Variants in LRP8 observed in about 807,000 individuals in gnomAD.
LRP8 encodes low-density lipoprotein receptor-related protein 8.
In LRP8, 46 loss-of-function variants were observed where a neutral mutation model predicts 111.6. The observed-to-expected ratio is 0.41, with a 90% CI of 0.33 to 0.53. The LOEUF is 0.53. Ranked by LOEUF, LRP8 falls within the 20% of genes least tolerant of loss-of-function variation. The probability of loss-of-function intolerance (pLI) is 0.20; values close to 1 mark genes in which losing one functional copy is unlikely to be tolerated. For missense variants in LRP8, 959 were observed against 1,297.4 expected (o/e 0.74, Z 4.01); for synonymous variants, 464 against 511.2 (o/e 0.91, Z 1.24).
chr1:53,309,680 A>G (rs949933295), intron 2 of LRP8, among the ~76,000 whole-genome samples: 25 of 152,248 alleles, frequency 1.6e-4, no homozygotes, highest in Admixed American at 1.6e-3. Flanking sequence ...TGACTAAGGC[A>G]TTACTAAGCT....
In LRP8 at chr1:53,262,652, A is replaced by G. The variant is rs546684705; in HGVS notation, c.1656-88T>C. On this transcript the variant is annotated intron_variant, in intron 10 of 18. Transcript: ENST00000306052. This position sits in a 1 kb window ranked among gnomAD's most constrained non-coding sequence, Gnocchi z 4.8. ...ACAAGAGCTCAATAACCCATTGACT[A>G]GTTGTGGTTTATGTTTAGTAGGGAC... 3.0e-6 allele frequency: 3 copies of G among 1,006,864 alleles called. No individual in the cohort carries two copies. Among genetic ancestry groups the G allele is most frequent in the South Asian group, 2.6e-5 (2 of 77,244 alleles). 62.4% of individuals were successfully genotyped at this position (1,006,864 alleles called of 1,614,324 possible). A position where few individuals can be genotyped will look rare whatever the true frequency, so the allele number is the denominator to read the frequency against.
Position 53,279,003 on chromosome 1 carries a change from C to G in LRP8, c.496+1584G>C, listed in dbSNP as rs1193778484. ...CTCAATCTCCTGACCTCGTGATCCT[C>G]CTGCCTCGGCCTCCCAAAGTGCTGG... On this transcript the variant is annotated intron_variant, in intron 4 of 18. Transcript: ENST00000306052. This position sits in a 1 kb window ranked among gnomAD's most constrained non-coding sequence, Gnocchi z 4.4. Among the ~76,000 whole-genome samples, 1 of 151,460 alleles carries G rather than the reference C, an allele frequency of 6.6e-6. No individual in the cohort carries two copies. The highest frequency in any genetic ancestry group is 2.4e-5 in the African/African-American group (1 of 41,126).
rs1357144803 is a variant in LRP8 at position 53,271,018 on chromosome 1, G to T, written c.1252+10C>A. 15 of 1,613,908 alleles carry T rather than the reference G, an allele frequency of 9.3e-6. No homozygotes were observed. The highest frequency in any genetic ancestry group is 1.3e-5 in the Non-Finnish European group (15 of 1,180,034). Reference sequence around the variant, plus strand: ...TCAGAGCTGCCCCTCTGCCCTTGGGGTGTTCATACCAGCAGCCTTGCAGTT... The same window carrying T: ...TCAGAGCTGCCCCTCTGCCCTTGGGTTGTTCATACCAGCAGCCTTGCAGTT... On this transcript the variant is annotated intron_variant, in intron 8 of 18. Coordinates refer to ENST00000306052, the MANE Select transcript of LRP8 (RefSeq NM_004631.5).
chr1:53,272,260 G>A (rs1169152110), intron 6 of LRP8, among the ~76,000 whole-genome samples: 1 of 152,122 alleles, frequency 6.6e-6, no homozygotes, highest in African/African-American at 2.4e-5. Context: ...GTGAAGGGAT[G>A]CCCAGAGGTC....
intron 2 of LRP8, among the ~76,000 whole-genome samples, chr1:53,324,116 G>T (rs1215640411): frequency 6.6e-6 from 1 of 152,212 alleles, no homozygotes; most frequent in Non-Finnish European, 1.5e-5. Flanking sequence ...GCCAAAGAGG[G>T]TGGTCAGGGG....
chr1:53,311,862 T>C (rs541587429), intron 2 of LRP8, among the ~76,000 whole-genome samples: 2 of 152,158 alleles, frequency 1.3e-5, no homozygotes, highest in Non-Finnish European at 2.9e-5. Flanking sequence ...AGTGTCCCCA[T>C]CTGTACAATG....
chr1:53,320,721 A>T (rs145598916), intron 2 of LRP8, among the ~76,000 whole-genome samples: 80 of 152,310 alleles, frequency 5.3e-4, no homozygotes, highest in Admixed American at 8.5e-4. Context: ...TCCAGAGAAC[A>T]GGGTCCCTCC....
rs1646566999 is a variant in LRP8, at chr1:53,266,579, T to C, written c.1321A>G (p.Asn441Asp). The C allele has an allele frequency of 6.2e-7, 1 of 1,614,154 alleles. No homozygotes were observed. The highest frequency in any genetic ancestry group is 8.5e-7 in the Non-Finnish European group (1 of 1,180,022). Residue 441 changes from asparagine to aspartate, a missense_variant, in exon 9 of 19, where the codon AAC becomes GAC. By Grantham distance (23) the Asn-to-Asp change is conservative (BLOSUM62 1). Coordinates refer to ENST00000306052, the MANE Select transcript of LRP8 (RefSeq NM_004631.5). This position sits in a 1 kb window ranked among gnomAD's most constrained non-coding sequence, Gnocchi z 5.0. ...AGCATGGGGATGAGGCGTGAATAGTTCCGCTTCACCAGGTCGATCCTCCGC... is the reference window on the plus strand; with the variant it reads ...AGCATGGGGATGAGGCGTGAATAGTCCCGCTTCACCAGGTCGATCCTCCGC... ...EVRRIDLVKR[N>D]YSRLIPMLKN...
intron 2 of LRP8, among the ~76,000 whole-genome samples, chr1:53,302,274 T>C (rs1405379720): frequency 6.6e-6 from 1 of 152,108 alleles, no homozygotes; most frequent in Non-Finnish European, 1.5e-5. Context: ...TGGAAGGAAA[T>C]GGGGTCCATT....
At position 53,275,874 on chromosome 1, in the gene LRP8, A is replaced by C; in HGVS notation, c.884-121T>G. 7.7e-7 allele frequency: 1 copy of C among 1,295,124 alleles called. No individual in the cohort carries two copies. Among genetic ancestry groups the C allele is most frequent in the Non-Finnish European group, 1.1e-6 (1 of 946,714 alleles). 80.2% of individuals were successfully genotyped at this position (1,295,124 alleles called of 1,614,324 possible). On this transcript the variant is annotated intron_variant, in intron 5 of 18. Coordinates refer to ENST00000306052, the MANE Select transcript of LRP8 (RefSeq NM_004631.5). This position sits in a 1 kb window ranked among gnomAD's most constrained non-coding sequence, Gnocchi z 4.4. The stretch of plus-strand genomic sequence containing the variant: ...AAAAACAGAACCAGTGGCTGAACTC[A>C]GGAGTCCTCAAAGGACACCTGGCCA...
chr1:53,285,567 G>A (rs987406230), intron 3 of LRP8, among the ~76,000 whole-genome samples: 13 of 151,922 alleles, frequency 8.6e-5, no homozygotes, highest in Non-Finnish European at 1.6e-4. Flanking sequence ...GTTGGTGGAT[G>A]GCTTAAAAGG....
At chr1:53,255,257 T>G in intron 15 of LRP8, 72 bp from the exon 16 acceptor site, 1 of 1,300,024 alleles carries the variant, frequency 7.7e-7, no homozygotes, top group Non-Finnish European at 1.1e-6. Context: ...CCTCAAGTGG[T>G]AAGAACTACC....
chr1:53,327,581 T>G (rs549228727), intron 1 of LRP8, among the ~76,000 whole-genome samples: 10 of 152,240 alleles, frequency 6.6e-5, no homozygotes, highest in African/African-American at 2.4e-4. Context: ...CAAGATCCGC[T>G]GCCCAGAGGG....
chr1:53,259,582 A>T (rs1056252211), intron 13 of LRP8, among the ~76,000 whole-genome samples: 4 of 147,070 alleles, frequency 2.7e-5, no homozygotes, highest in African/African-American at 9.9e-5. Context: ...TACTCTAGGA[A>T]TTTTTTTTTT....
At chr1:53,295,714 A>C (rs1649583525) in intron 2 of LRP8, among the ~76,000 whole-genome samples, 1 of 152,172 alleles carries the variant, frequency 6.6e-6, no homozygotes, top group Non-Finnish European at 1.5e-5. Flanking sequence ...ACGGTTTATA[A>C]AGGCCCTGGG....
At position 53,277,028 on chromosome 1, in the gene LRP8, C is replaced by G. The variant is rs1327359298; in HGVS notation, c.547G>C (p.Val183Leu). Residue 183 changes from valine (V) to leucine (L), a missense_variant, in exon 5 of 19, where the codon GTG (valine) becomes CTG (leucine). By Grantham distance (32) the Val-to-Leu change is conservative (BLOSUM62 1). Transcript: ENST00000306052. ...TCGTCGTCGCCGTCGCACACGAACA[C>G]GGCGGCCAGGCACGAGCGGTTGCCG... Reference protein sequence around the residue: ...QCGNRSCLAAVFVCDGDDDCG... With the variant: ...QCGNRSCLAALFVCDGDDDCG... 3.9e-6 allele frequency: 6 copies of G among 1,522,072 alleles called. No individual in the cohort carries two copies. Among genetic ancestry groups the G allele is most frequent in the Non-Finnish European group, 4.4e-6 (5 of 1,139,556 alleles). 94.3% of individuals were successfully genotyped at this position (1,522,072 alleles called of 1,614,324 possible). A position where few individuals can be genotyped will look rare whatever the true frequency, so the allele number is the denominator to read the frequency against.
intron 16 of LRP8, among the ~76,000 whole-genome samples, chr1:53,251,971 G>T (rs1164134430): frequency 2.6e-5 from 4 of 151,352 alleles, no homozygotes; most frequent in African/African-American, 9.7e-5. Context: ...GAGCCTGGGA[G>T]GTCAAGGCTG....
intron 2 of LRP8, among the ~76,000 whole-genome samples, chr1:53,298,068 T>C (rs1326950696): frequency 6.6e-6 from 1 of 151,706 alleles, no homozygotes; most frequent in African/African-American, 2.4e-5. Context: ...CACGGAGGGG[T>C]TGTGGATCTT....
intron 15 of LRP8, among the ~76,000 whole-genome samples, chr1:53,255,857 T>C (rs957006547): frequency 1.3e-5 from 2 of 152,194 alleles, no homozygotes; most frequent in African/African-American, 4.8e-5. Context: ...AGGGATATGG[T>C]AAGGATTAAA....
Sources: allele counts gnomAD v4.1 joint callset (sites outside exome capture counted in the v4.1 genomes callset), GRCh38; gene constraint gnomAD v4.1.1; non-coding constraint Gnocchi (gnomAD v3.1); transcripts MANE v1.5; gene names NCBI Gene and HGNC (gene_info 2026-07-23, HGNC 2026-07-21).